The following EPB41L3 variants were observed in gnomAD, a reference collection of about 807,000 sequenced individuals.
The protein encoded by EPB41L3 is band 4.1-like protein 3.
EPB41L3 carries 57 observed loss-of-function variants against 127.1 expected under a neutral mutation model. That is an observed-to-expected ratio of 0.45 (90% CI 0.36 to 0.56). The LOEUF (loss-of-function observed/expected upper bound fraction) is 0.56, where lower values mean the gene tolerates loss of function less well. EPB41L3 is among the 20% of genes least tolerant of loss of function. The pLI, the probability that EPB41L3 is intolerant of heterozygous loss-of-function variation, is 0.00. For missense variants in EPB41L3, 1,273 were observed against 1,372.2 expected (o/e 0.93, Z 1.14); for synonymous variants, 572 against 549.5 (o/e 1.04, Z -0.57).
At chr18:5,492,197 G>A (rs1348332709) in intron 1 of EPB41L3, among the ~76,000 whole-genome samples, 1 of 152,106 alleles carries the variant, frequency 6.6e-6, no homozygotes, top group East Asian at 1.9e-4. Flanking sequence ...GTGCTTGCCT[G>A]TAATCCTAGC....
At chr18:5,438,637 G>A (rs552097615) in intron 5 of EPB41L3, among the ~76,000 whole-genome samples, 1 of 152,204 alleles carries the variant, frequency 6.6e-6, no homozygotes, top group Non-Finnish European at 1.5e-5. Context: ...TCTAGTAAGT[G>A]GGCTGCTCTG....
At chr18:5,407,587 A>G in intron 15 of EPB41L3, 114 bp downstream of exon 15, 2 of 1,110,068 alleles carry the variant, frequency 1.8e-6, no homozygotes, top group South Asian at 1.5e-5. Flanking sequence ...CACCAACAAC[A>G]TGGTAACCAG....
intron 22 of EPB41L3, chr18:5,393,689 T>C: frequency 2.2e-6 from 1 of 450,066 alleles, no homozygotes; most frequent in Non-Finnish European, 3.9e-6. Flanking sequence ...AGAAATCTGT[T>C]TTATTTTTTT....
Position 5,599,800 on chromosome 18 carries a change from C to A in EPB41L3, c.-306+12540G>T, listed in dbSNP as rs2094571907. ...CTGCAGAATGATGAGCCAATTAAAT[C>A]CCTTTCTTTACAAATTACCTAGTCT... On this transcript the variant is annotated intron_variant, in intron 3 of 21. Transcript: ENST00000545076. 2.0e-5 allele frequency among the ~76,000 whole-genome samples: 3 copies of A among 152,128 alleles called. No homozygotes were observed. In the South Asian group the frequency reaches 6.2e-4, roughly 32 times the overall value.
At chr18:5,561,013 T>A (rs140506433) in intron 3 of EPB41L3, among the ~76,000 whole-genome samples, 1 of 132,210 alleles carries the variant, frequency 7.6e-6, no homozygotes, top group Non-Finnish European at 1.7e-5. Flanking sequence ...AGTCTCGCTC[T>A]GTCGCCCAGG....
chr18:5,547,828 C>T (rs2093906120), upstream of EPB41L3, among the ~76,000 whole-genome samples: 1 of 152,122 alleles, frequency 6.6e-6, no homozygotes, highest in Non-Finnish European at 1.5e-5. Flanking sequence ...AACCTGATAG[C>T]CAAGACAAGG....
chr18:5,607,090 G>A (rs998411260), intron 3 of EPB41L3, among the ~76,000 whole-genome samples: 2 of 152,102 alleles, frequency 1.3e-5, no homozygotes, highest in African/African-American at 2.4e-5. Flanking sequence ...CACATTACTC[G>A]TGACACCCAC....
chr18:5,428,010 C>T (rs931019854), intron 9 of EPB41L3, among the ~76,000 whole-genome samples: 1 of 152,056 alleles, frequency 6.6e-6, no homozygotes, highest in Non-Finnish European at 1.5e-5. Flanking sequence ...CGCCCCCGGC[C>T]TCCCAAAGTG....
At chr18:5,469,738 T>C (rs544104450) in intron 3 of EPB41L3, among the ~76,000 whole-genome samples, 9 of 152,026 alleles carry the variant, frequency 5.9e-5, no homozygotes, top group Non-Finnish European at 1.2e-4. Flanking sequence ...ACAAATACTA[T>C]ACTTTGGATC....
intron 3 of EPB41L3, among the ~76,000 whole-genome samples, chr18:5,598,690 G>A (rs2094559931): frequency 6.6e-6 from 1 of 152,170 alleles, no homozygotes; most frequent in Non-Finnish European, 1.5e-5. Flanking sequence ...ATTCCAGAAG[G>A]AAGGCTCTCA....
rs931882561 is a variant in EPB41L3, at chr18:5,428,380, G to C, written c.998C>G (p.Ala333Gly). Residue 333 changes from alanine to glycine, a missense_variant, in exon 9 of 23, where the codon GCC (alanine) becomes GGC (glycine). By Grantham distance (60) the Ala-to-Gly change is moderately conservative (BLOSUM62 0). Coordinates refer to ENST00000341928, the MANE Select transcript of EPB41L3 (RefSeq NM_012307.5). ...TGAAATCTTTAGAACCTTGGGCCAG[G>C]CAAATCTGTTTATTCGCAGCCGGTC... ...YRDRLRINRF[A>G]WPKVLKISYK... The C allele has an allele frequency of 6.2e-7, 1 of 1,614,108 alleles. No homozygotes were observed. The highest frequency in any genetic ancestry group is 1.3e-5 in the African/African-American group (1 of 75,020).
At position 5,393,445 on chromosome 18, in the gene EPB41L3, G is replaced by A. The variant is rs556529145; in HGVS notation, c.*40C>T. On this transcript the variant is annotated 3_prime_UTR_variant, in exon 23 of 23. Transcript: ENST00000341928. ...TAGGCTCTGGTTTTCCTAACGGTTT[G>A]CATGACTGCATTCATGTGCAAGCTA... is the stretch of plus-strand genomic sequence containing the variant. 1.4e-4 allele frequency: 99 copies of A among 700,464 alleles called. No homozygotes were observed. The highest frequency in any genetic ancestry group is 2.3e-4 in the Non-Finnish European group (88 of 384,120). 43.4% of individuals were successfully genotyped at this position (700,464 alleles called of 1,614,324 possible).
Position 5,462,672 on chromosome 18 carries a change from C to CAAAGGTTAGTATCCT in EPB41L3, c.381+15568_381+15569insAGGATACTAACCTTT, listed in dbSNP as rs1568285480. On this transcript the variant is annotated intron_variant, in intron 3 of 22. Coordinates refer to ENST00000341928, the MANE Select transcript of EPB41L3 (RefSeq NM_012307.5). ...TTGTCAAAGCTGTCCCCACTCCCTA[C>CAAAGGTTAGTATCCT]TTCAAAGGTTAGTATCCCCCAGAGC... Among the ~76,000 whole-genome samples the CAAAGGTTAGTATCCT allele has an allele frequency of 2.6e-5, 4 of 152,084 alleles. No homozygotes were observed. In the East Asian group the frequency reaches 5.8e-4, roughly 22 times the overall value.
At chr18:5,407,611 T>G in intron 15 of EPB41L3, 90 bp downstream of exon 15, 1 of 1,376,586 alleles carries the variant, frequency 7.3e-7, no homozygotes, top group South Asian at 1.2e-5. Flanking sequence ...CAGAGCATGC[T>G]GAAAGATCTG....
chr18:5,569,874 A>C (rs1425607636), intron 3 of EPB41L3, among the ~76,000 whole-genome samples: 1 of 152,324 alleles, frequency 6.6e-6, no homozygotes, highest in East Asian at 1.9e-4. Context: ...AGCTGAATGC[A>C]TACTCCTTTC....
At chr18:5,531,901 G>C (rs1283361737) in intron 1 of EPB41L3, among the ~76,000 whole-genome samples, 1 of 152,136 alleles carries the variant, frequency 6.6e-6, no homozygotes, top group Non-Finnish European at 1.5e-5. Flanking sequence ...GCTTAGAAAA[G>C]AAAGAAGAGA....
intron 1 of EPB41L3, chr18:5,540,606 A>G: frequency 2.1e-6 from 2 of 949,620 alleles, no homozygotes; most frequent in Non-Finnish European, 2.5e-6. Context: ...ACAAATCAGC[A>G]GCTAGCTAGC....
At chr18:5,498,965 T>C (rs1346796727) in intron 1 of EPB41L3, among the ~76,000 whole-genome samples, 2 of 152,214 alleles carry the variant, frequency 1.3e-5, no homozygotes, top group South Asian at 4.1e-4. Flanking sequence ...AATGGTTCCC[T>C]AAAAGGAAAG....
chr18:5,511,332 C>T (rs1321380412), intron 1 of EPB41L3, among the ~76,000 whole-genome samples: 1 of 145,540 alleles, frequency 6.9e-6, no homozygotes, highest in Non-Finnish European at 1.5e-5. Flanking sequence ...AAGAAGCAAG[C>T]AGAGATGGTT....
Sources: allele counts gnomAD v4.1 joint callset (sites outside exome capture counted in the v4.1 genomes callset), GRCh38; gene constraint gnomAD v4.1.1; transcripts MANE v1.5; gene names NCBI Gene and HGNC (gene_info 2026-07-23, HGNC 2026-07-21).